COMMD10: variants seen among roughly 807,000 people sequenced by gnomAD.
COMMD10 encodes COMM domain-containing protein 10.
In COMMD10, 33 loss-of-function variants were observed where a neutral mutation model predicts 28.9. The observed-to-expected ratio is 1.14, with a 90% confidence interval of 0.87 to 1.53. The LOEUF is 1.53. COMMD10 is among the 40% of genes most tolerant of loss of function. The pLI, the probability that COMMD10 is intolerant of heterozygous loss-of-function variation, is 0.00. For missense variants in COMMD10, 310 were observed against 233.4 expected, an observed-to-expected ratio of 1.33 and a Z score of -2.14; for synonymous variants, 110 against 81.7, an observed-to-expected ratio of 1.35 and a Z score of -1.87.
chr5:116,231,311 A>C (rs1400517862), intron 5 of COMMD10, among the ~76,000 whole-genome samples: 1 of 152,168 alleles, frequency 6.6e-6, no homozygotes, highest in Admixed American at 6.6e-5. Context: ...TAGCTTTTTC[A>C]TGTCAACAAG....
intron 5 of COMMD10, among the ~76,000 whole-genome samples, chr5:116,275,315 C>A (rs985219470): frequency 6.6e-6 from 1 of 151,842 alleles, no homozygotes; most frequent in Non-Finnish European, 1.5e-5. Context: ...TTTTCCCTTT[C>A]ATGTTCTCTT....
intron 4 of COMMD10, among the ~76,000 whole-genome samples, chr5:116,122,347 G>C (rs1344032645): frequency 6.6e-6 from 1 of 152,186 alleles, no homozygotes. Context: ...CTGTATCTCT[G>C]TTTTGGTACC....
chr5:116,100,370 A>G (rs769210833), intron 4 of COMMD10, among the ~76,000 whole-genome samples: 1 of 152,142 alleles, frequency 6.6e-6, no homozygotes, highest in Non-Finnish European at 1.5e-5. Flanking sequence ...TTGGTGTCCT[A>G]TCCAAAAAAT....
chr5:116,277,197 A>G (rs1750940481), intron 5 of COMMD10, among the ~76,000 whole-genome samples: 1 of 151,896 alleles, frequency 6.6e-6, no homozygotes, highest in African/African-American at 2.4e-5. Flanking sequence ...GTAGTACACA[A>G]TAGACATATT....
chr5:116,163,050 T>C (rs113302564), intron 5 of COMMD10, among the ~76,000 whole-genome samples: 4 of 152,140 alleles, frequency 2.6e-5, no homozygotes, highest in South Asian at 2.1e-4. Context: ...ACCACTTCTT[T>C]AGAGGTTCAG....
chr5:116,219,115 C>G (rs1224730746), intron 5 of COMMD10, among the ~76,000 whole-genome samples: 1 of 152,056 alleles, frequency 6.6e-6, no homozygotes, highest in Non-Finnish European at 1.5e-5. Context: ...AGGGAAGCCA[C>G]AGGAGAAACC....
At chr5:116,253,685 T>C (rs1282289082) in intron 5 of COMMD10, among the ~76,000 whole-genome samples, 1 of 148,274 alleles carries the variant, frequency 6.7e-6, no homozygotes, top group Non-Finnish European at 1.5e-5. Context: ...GATGTGCTGC[T>C]GGATTTGGTT....
At chr5:116,136,693 A>C (rs181478232) in intron 5 of COMMD10, among the ~76,000 whole-genome samples, 1 of 152,336 alleles carries the variant, frequency 6.6e-6, no homozygotes, top group Non-Finnish European at 1.5e-5. Context: ...TGTGAAATCT[A>C]ACTCATTTGA....
intron 5 of COMMD10, among the ~76,000 whole-genome samples, chr5:116,190,394 A>G (rs549099609): frequency 1.1e-4 from 16 of 152,234 alleles, no homozygotes; most frequent in Non-Finnish European, 1.9e-4. Flanking sequence ...ACTTACATAC[A>G]AAATAATTGT....
intron 5 of COMMD10, among the ~76,000 whole-genome samples, chr5:116,276,653 T>C (rs1351831779): frequency 6.6e-6 from 1 of 151,872 alleles, no homozygotes; most frequent in Admixed American, 6.6e-5. Context: ...CTTAATTCAG[T>C]TATTTAAATT....
At chr5:116,182,785 C>A (rs1006572902) in intron 5 of COMMD10, among the ~76,000 whole-genome samples, 1 of 152,050 alleles carries the variant, frequency 6.6e-6, no homozygotes, top group Admixed American at 6.6e-5. Flanking sequence ...TCTCCTCACC[C>A]AAAATCTCAT....
chr5:116,087,627 C>T, intron 2 of COMMD10, 40 bp downstream of exon 2: 1 of 1,330,304 alleles, frequency 7.5e-7, no homozygotes, highest in South Asian at 1.2e-5. Context: ...AATCTTCCTT[C>T]TGATTTAATT....
intron 5 of COMMD10, among the ~76,000 whole-genome samples, chr5:116,137,662 T>A (rs940002213): frequency 1.3e-5 from 2 of 151,940 alleles, no homozygotes; most frequent in East Asian, 3.9e-4. Flanking sequence ...GAGCTCCTTA[T>A]CTTCTTTTTC....
In COMMD10 at chr5:116,091,064, C is replaced by T. The variant is rs746324252; in HGVS notation, c.133-15C>T. On this transcript the variant is annotated splice_polypyrimidine_tract_variant and intron_variant, in intron 2 of 6. Transcript: ENST00000274458. ...GAATATGTGCTAATATAATAGATTG[C>T]TATTTGTATTATAGGCTGAGAGCAG... 1.5e-5 allele frequency: 23 copies of T among 1,495,762 alleles called. No individual in the cohort carries two copies. The South Asian group carries it at 2.5e-4, about 16-fold the overall frequency. The allele number at this position is 1,495,762 out of a possible 1,614,324, so 92.7% of individuals were successfully genotyped here. A position where few individuals can be genotyped will look rare whatever the true frequency, so the allele number is the denominator to read the frequency against.
At chr5:116,102,777 A>C (rs1199058203) in intron 4 of COMMD10, among the ~76,000 whole-genome samples, 1 of 152,158 alleles carries the variant, frequency 6.6e-6, no homozygotes, top group Non-Finnish European at 1.5e-5. Flanking sequence ...TCAACCCGTC[A>C]TCTACATTAG....
chr5:116,269,107 TAAA>T (rs1354093748), intron 5 of COMMD10, among the ~76,000 whole-genome samples: 1 of 151,694 alleles, frequency 6.6e-6, no homozygotes, highest in Non-Finnish European at 1.5e-5. Flanking sequence ...AATAATAATT[TAAA>T]AAGATAAAAA....
At chr5:116,167,071 C>G (rs1753145212) in intron 5 of COMMD10, among the ~76,000 whole-genome samples, 1 of 151,902 alleles carries the variant, frequency 6.6e-6, no homozygotes, top group South Asian at 2.1e-4. Flanking sequence ...GGAGCATGTT[C>G]TAATCCAATG....
At chr5:116,187,822 CAG>C (rs903669948) in intron 5 of COMMD10, among the ~76,000 whole-genome samples, 25 of 152,044 alleles carry the variant, frequency 1.6e-4, no homozygotes, top group Non-Finnish European at 3.4e-4. Flanking sequence ...ATGTTGTAAA[CAG>C]TGTTTTTTTA....
At chr5:116,172,636 TCA>T (rs1753374069) in intron 5 of COMMD10, among the ~76,000 whole-genome samples, 1 of 152,166 alleles carries the variant, frequency 6.6e-6, no homozygotes, top group African/African-American at 2.4e-5. Context: ...AAAGATTTAC[TCA>T]CAGTGTTTTG....
Sources: gnomAD v4.1 joint callset for allele counts (sites outside exome capture counted in the v4.1 genomes callset) on GRCh38, gnomAD v4.1.1 for gene constraint, MANE v1.5 for transcripts, NCBI Gene and HGNC (gene_info 2026-07-23, HGNC 2026-07-21) for gene names.